Variants in TTPA observed in about 807,000 individuals in gnomAD.
TTPA encodes alpha-tocopherol transfer protein.
Under a neutral mutation model 25.9 loss-of-function variants are expected in TTPA, and 23 were observed. The ratio of observed to expected loss-of-function variants is 0.89; its 90% CI spans 0.64 to 1.26. TTPA has a LOEUF of 1.26. Ranked by LOEUF, TTPA falls within the 50% of genes most tolerant of loss-of-function variation. TTPA has a pLI of 0.00. For missense variants in TTPA, 337 were observed against 353.1 expected (o/e 0.95, Z 0.37); for synonymous variants, 148 against 137.3 (o/e 1.08, Z -0.54).
chr8:63,065,870 A>C (rs755385428), intron 3 of TTPA, 34 bp downstream of exon 3: 1 of 1,598,918 alleles, frequency 6.3e-7, no homozygotes, highest in South Asian at 1.1e-5. Flanking sequence ...ATAATTTGGA[A>C]GTATTATGCC....
intron 2 of TTPA, among the ~76,000 whole-genome samples, chr8:63,068,487 T>A (rs1805432206): frequency 6.6e-6 from 1 of 152,072 alleles, no homozygotes; most frequent in African/African-American, 2.4e-5. Context: ...AAAAAGAAAG[T>A]CAATAATGGT....
chr8:63,082,781 T>C (rs1271376776), intron 1 of TTPA, among the ~76,000 whole-genome samples: 1 of 152,120 alleles, frequency 6.6e-6, no homozygotes, highest in Non-Finnish European at 1.5e-5. Context: ...GCAAGGAACT[T>C]AAACAAATTT....
At chr8:63,082,308 A>T (rs980854161) in intron 1 of TTPA, among the ~76,000 whole-genome samples, 1 of 152,176 alleles carries the variant, frequency 6.6e-6, no homozygotes, top group Non-Finnish European at 1.5e-5. Context: ...AGACCAATGG[A>T]ACAGAACAGA....
downstream of TTPA, among the ~76,000 whole-genome samples, chr8:63,059,312 G>C (rs145257038): frequency 0.079 from 12,047 of 151,616 alleles, 908 homozygotes; most frequent in East Asian, 0.42. Flanking sequence ...GATTACAGGC[G>C]TGAGCCACCG....
rs745820087 is a variant in TTPA, at chr8:63,066,028, A to G, written c.428T>C (p.Ile143Thr). Reference protein sequence around the residue: ...FRVSLITSELIVQEVETQRNG... With the variant: ...FRVSLITSELTVQEVETQRNG... Reference sequence around the variant, plus strand: ...CCGCTGAGTTTCTACCTCCTGTACAATAAGCTCGGATGTGATTAGACTTAC... The same window carrying G: ...CCGCTGAGTTTCTACCTCCTGTACAGTAAGCTCGGATGTGATTAGACTTAC... Residue 143 changes from isoleucine (I) to threonine (T), a missense_variant, in exon 3 of 5, where the codon ATT (isoleucine) becomes ACT (threonine). Ile to Thr is a moderately conservative substitution (Grantham distance 89, BLOSUM62 -1). Coordinates refer to ENST00000260116, the MANE Select transcript of TTPA (RefSeq NM_000370.3). 1.3e-5 allele frequency: 21 copies of G among 1,613,984 alleles called. No individual in the cohort carries two copies. In the Middle Eastern group the frequency reaches 4.9e-4, roughly 38 times the overall value.
chr8:63,067,095 C>A (rs1378017768), intron 2 of TTPA, among the ~76,000 whole-genome samples: 1 of 151,570 alleles, frequency 6.6e-6, no homozygotes, highest in Non-Finnish European at 1.5e-5. Flanking sequence ...ATAGTTTCAG[C>A]AGGGGGTGGG....
chr8:63,084,234 C>A (rs1205604702), intron 1 of TTPA, among the ~76,000 whole-genome samples: 1 of 152,100 alleles, frequency 6.6e-6, no homozygotes, highest in African/African-American at 2.4e-5. Flanking sequence ...TTACTCAACA[C>A]TGAAAAATAC....
chr8:63,061,317 C>T lies in TTPA; in HGVS notation c.772G>A (p.Glu258Lys). 6.2e-7 allele frequency: 1 copy of T among 1,613,868 alleles called. No homozygotes were observed. The highest frequency in any genetic ancestry group is 8.5e-7 in the Non-Finnish European group (1 of 1,179,884). ...EEFSMEDICQEWTNFIMKSED... is the reference protein window; with the variant it reads ...EEFSMEDICQKWTNFIMKSED... ...GACTTCATTATAAAATTTGTCCATT[C>T]CTGACAAATGTCCTCCATGGAGAAT... The change falls in exon 5 of 5, where the codon GAA becomes AAA. Residue 258 changes from glutamate (E) to lysine (K), a missense_variant. By Grantham distance (56) the Glu-to-Lys change is moderately conservative (BLOSUM62 1). Transcript: ENST00000260116.
At position 63,083,635 on chromosome 8, in the gene TTPA, TAA is replaced by T. The variant is rs11294384; in HGVS notation, c.204+2181_204+2182del. Reference sequence around the variant, plus strand: ...ATGTACCCTAAAACTTAAAGTATAATAAAAAAAAAAAAGAACAAAAGCAAAAA... The same window carrying T: ...ATGTACCCTAAAACTTAAAGTATAATAAAAAAAAAAGAACAAAAGCAAAAA... On this transcript the variant is annotated intron_variant, in intron 1 of 4. Coordinates refer to ENST00000260116, the MANE Select transcript of TTPA (RefSeq NM_000370.3). Among the ~76,000 whole-genome samples the T allele has an allele frequency of 1.7e-3, 240 of 138,518 alleles. 2 individuals are homozygous for T. Among genetic ancestry groups the T allele is most frequent in the African/African-American group, 5.0e-3 (190 of 37,818 alleles). The allele number at this position is 138,518 out of a possible 152,430, so 90.9% of individuals were successfully genotyped here.
chr8:63,078,461 A>T (rs1805607420), intron 1 of TTPA, among the ~76,000 whole-genome samples: 1 of 152,208 alleles, frequency 6.6e-6, no homozygotes, highest in Non-Finnish European at 1.5e-5. Flanking sequence ...ACGAATGGCA[A>T]ACTAGAATAA....
chr8:63,070,170 TAA>T (rs1368819611), intron 2 of TTPA, among the ~76,000 whole-genome samples: 2 of 152,210 alleles, frequency 1.3e-5, no homozygotes, highest in Non-Finnish European at 2.9e-5. Context: ...TCACAAGAAC[TAA>T]GCCACAGTCA....
chr8:63,073,754 T>G (rs141375256), intron 1 of TTPA, among the ~76,000 whole-genome samples: 57 of 152,174 alleles, frequency 3.7e-4, no homozygotes, highest in Non-Finnish European at 6.2e-4. Flanking sequence ...TGCTCAGCAA[T>G]AGAAAGCTGA....
At chr8:63,069,636 G>A (rs1330005376) in intron 2 of TTPA, among the ~76,000 whole-genome samples, 5 of 151,792 alleles carry the variant, frequency 3.3e-5, no homozygotes, top group Admixed American at 6.6e-5. Context: ...TCCAAAAGCC[G>A]AAGTGGGAGG....
intron 2 of TTPA, among the ~76,000 whole-genome samples, chr8:63,070,956 T>C (rs370027989): frequency 1.9e-4 from 29 of 150,836 alleles, no homozygotes; most frequent in Admixed American, 6.7e-4. Context: ...GAATGCTCCA[T>C]ACATACTTTA....
intron 4 of TTPA, among the ~76,000 whole-genome samples, chr8:63,061,975 G>A (rs1805313701): frequency 6.6e-6 from 1 of 152,126 alleles, no homozygotes; most frequent in South Asian, 2.1e-4. Flanking sequence ...GGCCAAGGCA[G>A]GTGGATTACT....
chr8:63,080,609 C>A (rs1477109422), intron 1 of TTPA, among the ~76,000 whole-genome samples: 3 of 151,506 alleles, frequency 2.0e-5, no homozygotes, highest in African/African-American at 7.3e-5. Context: ...GTAGTCCCAG[C>A]TACTGGGAGG....
At chr8:63,066,711 C>G (rs1039379521) in intron 2 of TTPA, among the ~76,000 whole-genome samples, 1 of 152,132 alleles carries the variant, frequency 6.6e-6, no homozygotes, top group Non-Finnish European at 1.5e-5. Flanking sequence ...TCATCTCATC[C>G]CTTCCCACCA....
At chr8:63,059,157 A>G (rs867141767), downstream of TTPA, among the ~76,000 whole-genome samples, 1,747 of 144,004 alleles carry the variant, frequency 0.012, 26 homozygotes, top group African/African-American at 0.042. Context: ...TCAGCCTCCC[A>G]AGTAGCTGGG....
Position 63,072,934 on chromosome 8 carries a change from C to A in TTPA, c.358+1G>T. ...AAAAAAAAGAGTTGTGTATGACTTA[C>A]CGATTCTGTAAATAAGAACTTTGCT... On this transcript the variant is annotated splice_donor_variant, in intron 2 of 4. Coordinates refer to ENST00000260116, the MANE Select transcript of TTPA (RefSeq NM_000370.3). LOFTEE classifies it high-confidence loss of function. The A allele has an allele frequency of 6.2e-7, 1 of 1,614,000 alleles. No homozygotes were observed.
Sources: allele counts gnomAD v4.1 joint callset (sites outside exome capture counted in the v4.1 genomes callset), GRCh38; gene constraint gnomAD v4.1.1; transcripts MANE v1.5; gene names NCBI Gene and HGNC (gene_info 2026-07-23, HGNC 2026-07-21).